Variants in SLC9A8 observed in about 807,000 individuals in gnomAD.
The protein encoded by SLC9A8 is sodium/hydrogen exchanger 8.
Under a neutral mutation model 66.6 loss-of-function variants are expected in SLC9A8, and 48 were observed. The observed-to-expected ratio is 0.72, with a 90% CI of 0.57 to 0.92. SLC9A8 has a LOEUF of 0.92. Among genes scored for constraint, SLC9A8 ranks in the 40% least tolerant of loss-of-function variants. SLC9A8 has a pLI of 0.00. For synonymous variants in SLC9A8, 274 were observed against 282.6 expected (o/e 0.97, Z 0.31); for missense variants, 599 against 747.3 (o/e 0.80, Z 2.31).
chr20:49,852,403 C>T (rs915923239), intron 7 of SLC9A8, among the ~76,000 whole-genome samples: 2 of 152,222 alleles, frequency 1.3e-5, no homozygotes, highest in Non-Finnish European at 2.9e-5. Context: ...CCATGCAGAC[C>T]AAACATGAGA....
intron 1 of SLC9A8, among the ~76,000 whole-genome samples, chr20:49,813,340 A>T (rs756797476): frequency 1.3e-5 from 2 of 152,164 alleles, no homozygotes; most frequent in Non-Finnish European, 2.9e-5. Context: ...TATAACGATC[A>T]GTTTTCATGT....
At position 49,890,831 on chromosome 20, in the gene SLC9A8, T is replaced by C. The variant is rs1442554256; in HGVS notation, c.*2895T>C. On this transcript the variant is annotated 3_prime_UTR_variant, in exon 16 of 16. Coordinates refer to ENST00000361573, the MANE Select transcript of SLC9A8 (RefSeq NM_015266.3). ...CCACCCCTCTTCACAGTGGGTGAGC[T>C]GGGCTGGGCTGGCTGGCATGAGGCC... 3 of 152,274 alleles carry C rather than the reference T, an allele frequency of 2.0e-5. No individual in the cohort carries two copies. Among genetic ancestry groups the C allele is most frequent in the Non-Finnish European group, 2.9e-5 (2 of 68,076 alleles). 9.4% of individuals were successfully genotyped at this position (152,274 alleles called of 1,614,324 possible).
At chr20:49,827,604 GAA>G (rs75265328) in intron 3 of SLC9A8, among the ~76,000 whole-genome samples, 5 of 104,504 alleles carry the variant, frequency 4.8e-5, no homozygotes, top group Middle Eastern at 5.5e-3. Flanking sequence ...ACTGCATCTC[GAA>G]AAAAAAAAAA....
intron 10 of SLC9A8, among the ~76,000 whole-genome samples, chr20:49,870,337 TAG>T (rs763284678): frequency 2.6e-5 from 4 of 152,068 alleles, no homozygotes; most frequent in Non-Finnish European, 4.4e-5. Context: ...TGGCATGTGG[TAG>T]AGAATGGATG....
rs574689967 is a variant in SLC9A8, at chr20:49,888,943, C to T, written c.*1007C>T. The T allele has an allele frequency of 5.2e-5, 8 of 152,552 alleles. No homozygotes were observed. Among genetic ancestry groups the T allele is most frequent in the South Asian group, 4.1e-4 (2 of 4,836 alleles). 9.4% of individuals were successfully genotyped at this position (152,552 alleles called of 1,614,324 possible). A position where few individuals can be genotyped will look rare whatever the true frequency, so the allele number is the denominator to read the frequency against. ...GTTCCCTACCACGTTGGATCCCATT[C>T]GTCACCCATGCTAGGGTCCCCAAAG... On this transcript the variant is annotated 3_prime_UTR_variant, in exon 16 of 16. Coordinates refer to ENST00000361573, the MANE Select transcript of SLC9A8 (RefSeq NM_015266.3).
intron 13 of SLC9A8, among the ~76,000 whole-genome samples, chr20:49,882,083 G>A (rs1195234316): frequency 2.0e-5 from 3 of 151,992 alleles, no homozygotes; most frequent in Non-Finnish European, 4.4e-5. Flanking sequence ...CTCTGCTACC[G>A]GCCCCTCCCA....
chr20:49,820,664 A>G (rs140694651), intron 2 of SLC9A8, among the ~76,000 whole-genome samples: 3,790 of 151,874 alleles, frequency 0.025, 56 homozygotes, highest in East Asian at 0.035. Context: ...CTCCTGTCTC[A>G]GCCTCCCATA....
At chr20:49,858,777 G>A (rs928979664) in intron 8 of SLC9A8, among the ~76,000 whole-genome samples, 36 of 151,888 alleles carry the variant, frequency 2.4e-4, no homozygotes, top group African/African-American at 6.3e-4. Flanking sequence ...TGCCAACGTG[G>A]TGAAACCCTG....
chr20:49,842,133 G>A (rs1420671597), intron 4 of SLC9A8, among the ~76,000 whole-genome samples: 1 of 151,340 alleles, frequency 6.6e-6, no homozygotes, highest in Non-Finnish European at 1.5e-5. Context: ...GCAATGGCGT[G>A]GTCTCAGCTC....
At chr20:49,822,713 G>A (rs2086784442) in intron 2 of SLC9A8, among the ~76,000 whole-genome samples, 1 of 152,132 alleles carries the variant, frequency 6.6e-6, no homozygotes, top group Non-Finnish European at 1.5e-5. Flanking sequence ...CCTGAGCCTG[G>A]GAAGTTGAGA....
At chr20:49,840,461 C>A (rs1191148349) in intron 4 of SLC9A8, among the ~76,000 whole-genome samples, 2 of 152,080 alleles carry the variant, frequency 1.3e-5, no homozygotes, top group African/African-American at 4.8e-5. Flanking sequence ...TGATGAAGCT[C>A]CTAGGTGCTA....
At chr20:49,855,246 T>C (rs990012747) in intron 7 of SLC9A8, among the ~76,000 whole-genome samples, 192 bp from the exon 8 acceptor site, 1 of 152,244 alleles carries the variant, frequency 6.6e-6, no homozygotes, top group Non-Finnish European at 1.5e-5. Context: ...CAACTCAGTT[T>C]AGAGTGGGCC....
At chr20:49,870,996 A>C (rs1348021124) in intron 10 of SLC9A8, among the ~76,000 whole-genome samples, 1 of 152,226 alleles carries the variant, frequency 6.6e-6, no homozygotes, top group Non-Finnish European at 1.5e-5. Context: ...CACCATGCCA[A>C]GCCTATTACT....
Position 49,863,077 on chromosome 20 carries a change from T to C in SLC9A8, c.852+10T>C. ...CTTAATTTCTGCATTAATATCCTTT[T>C]AATGTGATGAACATGCAGGGTTAAA... On this transcript the variant is annotated intron_variant, in intron 9 of 15. Transcript: ENST00000361573. The C allele has an allele frequency of 6.2e-7, 1 of 1,606,764 alleles. No homozygotes were observed. Among genetic ancestry groups the C allele is most frequent in the South Asian group, 1.1e-5 (1 of 89,344 alleles).
In SLC9A8 at chr20:49,823,085, T is replaced by G. The variant is rs1203203358; in HGVS notation, c.233T>G (p.Leu78Ter). Residue 78 changes from leucine to a stop codon, truncating the protein, a stop_gained, in exon 3 of 16, where the codon TTA (leucine) becomes TGA (stop). Transcript: ENST00000361573. LOFTEE classifies it high-confidence loss of function. The part of the protein sequence containing the change: ...VLAICIILVH[L>*]LIRYRLHFLP... ...GCTATCTGCATCATATTGGTGCATT[T>G]ACTGATCCGATACAGATTACATTTC... is the stretch of plus-strand genomic sequence containing the variant. The G allele has an allele frequency of 6.2e-7, 1 of 1,613,226 alleles. No homozygotes were observed. Among genetic ancestry groups the G allele is most frequent in the Non-Finnish European group, 8.5e-7 (1 of 1,179,588 alleles).
chr20:49,881,277 C>T lies in SLC9A8; in HGVS notation c.1270+242C>T, dbSNP rs191888708. Among the ~76,000 whole-genome samples the T allele has an allele frequency of 5.9e-5, 9 of 152,280 alleles. No individual in the cohort carries two copies. The East Asian group carries it at 1.2e-3, about 20-fold the overall frequency. On this transcript the variant is annotated intron_variant, in intron 13 of 15. Coordinates refer to ENST00000361573, the MANE Select transcript of SLC9A8 (RefSeq NM_015266.3). ...GTCACGTGACCACTGGAGGCAGAGC[C>T]GGGATTTCTGCCACTCTCTTCTGAA...
At position 49,878,076 on chromosome 20, in the gene SLC9A8, C is replaced by CTTT; in HGVS notation, c.1158+22_1158+24dup. On this transcript the variant is annotated intron_variant, in intron 12 of 15. Coordinates refer to ENST00000361573, the MANE Select transcript of SLC9A8 (RefSeq NM_015266.3). ...CATCTGGTGCATAGTAAGTATTTTC[C>CTTT]TTTTTTTTTTTAAATTTAATTACTT... 3 of 1,194,722 alleles carry CTTT rather than the reference C, an allele frequency of 2.5e-6. No homozygotes were observed. Among genetic ancestry groups the CTTT allele is most frequent in the South Asian group, 1.6e-5 (1 of 62,560 alleles). The allele number at this position is 1,194,722 out of a possible 1,614,324, so 74.0% of individuals were successfully genotyped here.
At chr20:49,846,212 C>T (rs757008354) in intron 5 of SLC9A8, among the ~76,000 whole-genome samples, 8 of 151,980 alleles carry the variant, frequency 5.3e-5, no homozygotes, top group Non-Finnish European at 1.0e-4. Context: ...ATGGTTTTTT[C>T]CTTGTCTGTG....
chr20:49,819,556 A>C (rs1244792515), intron 2 of SLC9A8, among the ~76,000 whole-genome samples: 1 of 152,122 alleles, frequency 6.6e-6, no homozygotes, highest in Non-Finnish European at 1.5e-5. Context: ...TAAATACATA[A>C]CATACATTTA....
Sources: gnomAD v4.1 joint callset for allele counts (sites outside exome capture counted in the v4.1 genomes callset) on GRCh38, gnomAD v4.1.1 for gene constraint, MANE v1.5 for transcripts, NCBI Gene and HGNC (gene_info 2026-07-23, HGNC 2026-07-21) for gene names.